ANKRD29: variants seen among roughly 807,000 people sequenced by gnomAD.
ANKRD29 encodes the protein ankyrin repeat domain 29, also known as ankyrin repeat domain-containing protein 29.
Under a neutral mutation model 38.0 loss-of-function variants are expected in ANKRD29, and 32 were observed. That is an observed-to-expected ratio of 0.84 (90% CI 0.64 to 1.13). The LOEUF is 1.13. Ranked by LOEUF, ANKRD29 falls within the 50% of genes most tolerant of loss-of-function variation. The pLI, the probability that ANKRD29 is intolerant of heterozygous loss-of-function variation, is 0.00. For synonymous variants in ANKRD29, 135 were observed against 152.4 expected, an observed-to-expected ratio of 0.89 and a Z score of 0.84; for missense variants, 357 against 377.9, an observed-to-expected ratio of 0.94 and a Z score of 0.46.
chr18:23,601,054 T>C lies in ANKRD29; in HGVS notation c.*172A>G. On this transcript the variant is annotated 3_prime_UTR_variant, in exon 10 of 10. Transcript: ENST00000592179. ...GGGGCAAGAGGGTCCCTGAGCTGTT[T>C]GGTTCTTGACTTCGTGCACAGAGCG... 1.7e-6 allele frequency: 1 copy of C among 581,634 alleles called. No individual in the cohort carries two copies. 36.0% of individuals were successfully genotyped at this position (581,634 alleles called of 1,614,324 possible).
At chr18:23,619,805 T>G (rs1030541738) in intron 6 of ANKRD29, 176 bp from the exon 7 acceptor site, 1 of 561,286 alleles carries the variant, frequency 1.8e-6, no homozygotes, top group African/African-American at 2.0e-5. Flanking sequence ...AAAGAGGGGG[T>G]GTGTGTAGCC....
At chr18:23,653,046 A>G (rs1443130689) in intron 1 of ANKRD29, among the ~76,000 whole-genome samples, 2 of 152,238 alleles carry the variant, frequency 1.3e-5, no homozygotes, top group African/African-American at 4.8e-5. Flanking sequence ...TGCCTACAGT[A>G]TTCCATTCAG....
Position 23,662,777 on chromosome 18 carries a change from G to C in ANKRD29, c.-47C>G, listed in dbSNP as rs755306605. The C allele has an allele frequency of 4.9e-6, 7 of 1,436,358 alleles. No individual in the cohort carries two copies. The highest frequency in any genetic ancestry group is 6.4e-6 in the Non-Finnish European group (7 of 1,096,280). 89.0% of individuals were successfully genotyped at this position (1,436,358 alleles called of 1,614,324 possible). ...AGCCGGCGCGCTTTGGGCCCGGGGC[G>C]CCTTGTCCTCCCCGGCCCTTCACTC... On this transcript the variant is annotated 5_prime_UTR_variant, in exon 1 of 10. Coordinates refer to ENST00000592179, the MANE Select transcript of ANKRD29 (RefSeq NM_173505.4).
intron 5 of ANKRD29, 34 bp from the exon 6 acceptor site, chr18:23,629,985 T>C: frequency 2.6e-6 from 4 of 1,564,072 alleles, no homozygotes; most frequent in Non-Finnish European, 3.5e-6. Context: ...ATTAAAAACA[T>C]TATCTTTCAC....
rs570756084 is a variant in ANKRD29 at position 23,649,398 on chromosome 18, G to C, written c.22-205C>G. 7.1e-6 allele frequency: 5 copies of C among 704,850 alleles called. No homozygotes were observed. In the African/African-American group the frequency reaches 8.7e-5, roughly 12 times the overall value. 43.7% of individuals were successfully genotyped at this position (704,850 alleles called of 1,614,324 possible). On this transcript the variant is annotated intron_variant, in intron 1 of 9. Transcript: ENST00000592179. Reference sequence around the variant, plus strand: ...ACCTGAGCCACCACATGGCTATGAAGAGCAGTGTTGTTGATAATCCAGCAC... The same window carrying C: ...ACCTGAGCCACCACATGGCTATGAACAGCAGTGTTGTTGATAATCCAGCAC...
At chr18:23,614,615 C>T (rs1025708954) in intron 8 of ANKRD29, among the ~76,000 whole-genome samples, 1 of 150,996 alleles carries the variant, frequency 6.6e-6, no homozygotes, top group Non-Finnish European at 1.5e-5. Flanking sequence ...TCACTTGAGC[C>T]CAGGAGTTCA....
chr18:23,624,489 A>AAAAAAAAAAAAAAAAAAAG, intron 6 of ANKRD29, among the ~76,000 whole-genome samples: 1 of 142,680 alleles, frequency 7.0e-6, no homozygotes, highest in Non-Finnish European at 1.5e-5. Flanking sequence ...AAAAAAAAAA[A>AAAAAAAAAAAAAAAAAAAG]AAAAAAAAAA....
intron 5 of ANKRD29, among the ~76,000 whole-genome samples, chr18:23,631,135 C>T (rs1376938973): frequency 2.0e-5 from 3 of 151,846 alleles, no homozygotes; most frequent in African/African-American, 2.4e-5. Flanking sequence ...CGATGGCATA[C>T]ACCTGTGGTC....
At position 23,662,748 on chromosome 18, in the gene ANKRD29, CG is replaced by C; in HGVS notation, c.-19del. On this transcript the variant is annotated 5_prime_UTR_variant, in exon 1 of 10. Coordinates refer to ENST00000592179, the MANE Select transcript of ANKRD29 (RefSeq NM_173505.4). ...CTGCACATGTCCGCGGCCGCCCGAG[CG>C]GGAGCCGGCGCGCTTTGGGCCCGGG... is the stretch of plus-strand genomic sequence containing the variant. 1 of 1,460,552 alleles carries C rather than the reference CG, an allele frequency of 6.8e-7. No individual in the cohort carries two copies. The highest frequency in any genetic ancestry group is 9.0e-7 in the Non-Finnish European group (1 of 1,109,876). The allele number at this position is 1,460,552 out of a possible 1,614,324, so 90.5% of individuals were successfully genotyped here.
chr18:23,612,004 G>A, intron 9 of ANKRD29, 88 bp downstream of exon 9: 1 of 1,191,722 alleles, frequency 8.4e-7, no homozygotes, highest in Non-Finnish European at 1.2e-6. Context: ...TGAAGATGGT[G>A]ACTGGAGCCA....
At chr18:23,635,410 C>T (rs1414621476) in intron 4 of ANKRD29, among the ~76,000 whole-genome samples, 2 of 151,988 alleles carry the variant, frequency 1.3e-5, no homozygotes, top group African/African-American at 4.8e-5. Flanking sequence ...TAAATTAGAG[C>T]TTTTCTACCA....
chr18:23,647,982 T>C (rs1240958949), intron 2 of ANKRD29: 1 of 151,660 alleles, frequency 6.6e-6, no homozygotes, highest in Non-Finnish European at 1.5e-5. Flanking sequence ...CTAGGAACAG[T>C]GGGGGTCCAT....
intron 1 of ANKRD29, chr18:23,649,664 CTTTCTATCTGA>C (rs2145729428): frequency 2.4e-6 from 1 of 418,556 alleles, no homozygotes; most frequent in South Asian, 1.7e-5. Context: ...GCCCTCAATG[CTTTCTATCTGA>C]TTCCAACTAC....
chr18:23,630,118 G>A (rs768817334), intron 5 of ANKRD29, among the ~76,000 whole-genome samples, 167 bp from the exon 6 acceptor site: 5 of 151,634 alleles, frequency 3.3e-5, no homozygotes, highest in South Asian at 2.1e-4. Context: ...GTGAAATCCC[G>A]TCTCTGCTAA....
Position 23,646,294 on chromosome 18 carries a change from G to A in ANKRD29, c.133-7C>T, listed in dbSNP as rs1479557567. 2 of 1,612,958 alleles carry A rather than the reference G, an allele frequency of 1.2e-6. No homozygotes were observed. Among genetic ancestry groups the A allele is most frequent in the Admixed American group, 1.7e-5 (1 of 60,024 alleles). On this transcript the variant is annotated splice_region_variant and splice_polypyrimidine_tract_variant and intron_variant, in intron 2 of 9. Transcript: ENST00000592179. The stretch of plus-strand genomic sequence containing the variant: ...TCAGGAGTGTGGTGCCATGCTGGAT[G>A]GAGGAGAGACAGATGAAGAGTTAGG...
intron 1 of ANKRD29, among the ~76,000 whole-genome samples, chr18:23,653,712 G>C (rs559387202): frequency 6.6e-6 from 1 of 151,752 alleles, no homozygotes; most frequent in South Asian, 2.1e-4. Flanking sequence ...CTGCAACCAT[G>C]CCTGACACTG....
At chr18:23,613,601 A>AT (rs1179381510) in intron 8 of ANKRD29, among the ~76,000 whole-genome samples, 7,796 of 141,036 alleles carry the variant, frequency 0.055, 476 homozygotes, top group East Asian at 0.23. Context: ...TTACTTTACA[A>AT]TTTTTTTTTT....
intron 9 of ANKRD29, among the ~76,000 whole-genome samples, chr18:23,610,916 G>T (rs2059633392): frequency 6.6e-6 from 1 of 152,228 alleles, no homozygotes; most frequent in Non-Finnish European, 1.5e-5. Flanking sequence ...CTGGGCTCAA[G>T]CAATCTACCT....
At chr18:23,657,343 C>A (rs1213678262) in intron 1 of ANKRD29, among the ~76,000 whole-genome samples, 2 of 152,234 alleles carry the variant, frequency 1.3e-5, no homozygotes, top group Non-Finnish European at 2.9e-5. Flanking sequence ...GAATGGAGCC[C>A]AGCTCAGGCT....
Sources: gnomAD v4.1 joint callset for allele counts (sites outside exome capture counted in the v4.1 genomes callset) on GRCh38, gnomAD v4.1.1 for gene constraint, MANE v1.5 for transcripts, NCBI Gene and HGNC (gene_info 2026-07-23, HGNC 2026-07-21) for gene names.